Variants in SLC25A40 observed in about 807,000 individuals in gnomAD.
SLC25A40 encodes the protein mitochondrial glutathione transporter SLC25A40.
A neutral mutation model predicts 46.5 loss-of-function variants in SLC25A40; 41 were observed. That is an observed-to-expected ratio of 0.88 (90% confidence interval 0.69 to 1.14). The LOEUF is 1.14. Ranked by LOEUF, SLC25A40 falls within the 50% of genes most tolerant of loss-of-function variation. The pLI is 0.00. For synonymous variants in SLC25A40, 126 were observed against 127.5 expected (o/e 0.99, Z 0.08); for missense variants, 386 against 393.6 (o/e 0.98, Z 0.16).
chr7:87,853,163 T>C (rs1403949456), intron 5 of SLC25A40, among the ~76,000 whole-genome samples: 2 of 152,126 alleles, frequency 1.3e-5, no homozygotes, highest in African/African-American at 2.4e-5. Flanking sequence ...ACAATTTAAT[T>C]AGAAAATGGG....
At position 87,847,274 on chromosome 7, in the gene SLC25A40, C is replaced by T. The variant is rs563485775; in HGVS notation, c.458-152G>A. The T allele has an allele frequency of 3.2e-5, 17 of 537,110 alleles. No individual in the cohort carries two copies. The East Asian group carries it at 5.4e-4, about 17-fold the overall frequency. The allele number at this position is 537,110 out of a possible 1,614,324, so 33.3% of individuals were successfully genotyped here. Reference sequence around the variant, plus strand: ...CTTAAAATTAAATGTGTCATGATGTCAACATAATTGCCACAGATTTTTCCC... The same window carrying T: ...CTTAAAATTAAATGTGTCATGATGTTAACATAATTGCCACAGATTTTTCCC... On this transcript the variant is annotated intron_variant, in intron 7 of 11. Transcript: ENST00000341119.
intron 3 of SLC25A40, among the ~76,000 whole-genome samples, chr7:87,857,457 C>T (rs899650806): frequency 6.6e-6 from 1 of 152,102 alleles, no homozygotes; most frequent in African/African-American, 2.4e-5. Flanking sequence ...GAATCTCTGT[C>T]CAGGGTTGTT....
chr7:87,841,660 G>T lies in SLC25A40; in HGVS notation c.796C>A (p.Gln266Lys), dbSNP rs1315432086. 4 of 1,528,296 alleles carry T rather than the reference G, an allele frequency of 2.6e-6. No individual in the cohort carries two copies. Among genetic ancestry groups the T allele is most frequent in the Non-Finnish European group, 2.6e-6 (3 of 1,136,730 alleles). The allele number at this position is 1,528,296 out of a possible 1,614,324, so 94.7% of individuals were successfully genotyped here. A position where few individuals can be genotyped will look rare whatever the true frequency, so the allele number is the denominator to read the frequency against. Residue 266 changes from glutamine (Q) to lysine (K), a missense_variant, in exon 10 of 12, where the codon CAA becomes AAA. Transcript: ENST00000341119. ...TTATGACTTTCATATGTCCAAAGTT[G>T]TGTCTGCTTTTGTGTTTTTACTACA... is the stretch of plus-strand genomic sequence containing the variant. ...FDVVKTQKQT[Q>K]LWTYESHKIS...
Position 87,836,202 on chromosome 7 carries a change from T to A in SLC25A40, c.*47A>T. 1 of 1,140,762 alleles carries A rather than the reference T, an allele frequency of 8.8e-7. No homozygotes were observed. The highest frequency in any genetic ancestry group is 1.3e-6 in the Non-Finnish European group (1 of 782,268). 70.7% of individuals were successfully genotyped at this position (1,140,762 alleles called of 1,614,324 possible). On this transcript the variant is annotated 3_prime_UTR_variant, in exon 12 of 12. Coordinates refer to ENST00000341119, the MANE Select transcript of SLC25A40 (RefSeq NM_018843.4). ...TGAAAAACATTCTTGCCTAAGAGTC[T>A]CCATCTTCTTTGGCTATAGTTGTTG...
At chr7:87,872,276 G>T (rs1199068358) in intron 1 of SLC25A40, among the ~76,000 whole-genome samples, 1 of 152,128 alleles carries the variant, frequency 6.6e-6, no homozygotes, top group Admixed American at 6.5e-5. Flanking sequence ...CATTTACAAT[G>T]AAATTTATAG....
At chr7:87,869,443 C>T (rs1838860028) in intron 1 of SLC25A40, among the ~76,000 whole-genome samples, 1 of 151,666 alleles carries the variant, frequency 6.6e-6, no homozygotes. Context: ...ATGGGAGGAT[C>T]ACTTGAGCCT....
chr7:87,854,809 C>CAAAAAA (rs1193322764), intron 4 of SLC25A40, among the ~76,000 whole-genome samples: 3 of 53,558 alleles, frequency 5.6e-5, no homozygotes, highest in Non-Finnish European at 7.4e-5. Context: ...AAGACTGTCT[C>CAAAAAA]AAAAAAAAAA....
At chr7:87,855,677 A>G (rs1838601643) in intron 4 of SLC25A40, among the ~76,000 whole-genome samples, 1 of 152,168 alleles carries the variant, frequency 6.6e-6, no homozygotes, top group African/African-American at 2.4e-5. Flanking sequence ...AGGGCTGTTC[A>G]TTCCATCTCA....
chr7:87,856,547 G>A (rs1584331672), intron 3 of SLC25A40, among the ~76,000 whole-genome samples, 196 bp from the exon 4 acceptor site: 2 of 152,184 alleles, frequency 1.3e-5, no homozygotes. Flanking sequence ...GTGAAAGACA[G>A]ACGAATTACT....
At chr7:87,866,561 GAC>G (rs1491518598) in intron 1 of SLC25A40, among the ~76,000 whole-genome samples, 2 of 152,226 alleles carry the variant, frequency 1.3e-5, no homozygotes, top group Non-Finnish European at 2.9e-5. Flanking sequence ...CCCTGCATGA[GAC>G]ATTCATGGGA....
chr7:87,847,893 A>G lies in SLC25A40; in HGVS notation c.417T>C (p.Asn139=). The change falls in exon 7 of 12, where the codon AAT becomes AAC. Residue 139 remains asparagine, a synonymous_variant. Coordinates refer to ENST00000341119, the MANE Select transcript of SLC25A40 (RefSeq NM_018843.4). ...SALLRSKLGE[N]ETCIPIVAGI... is the part of the protein sequence containing the mutation. The stretch of plus-strand genomic sequence containing the variant: ...CAGCAACAATTGGTATGCAGGTTTC[A>G]TTTTCTCCTAACTTAGATCTCAGAA... The G allele has an allele frequency of 6.2e-7, 1 of 1,612,026 alleles. No homozygotes were observed. The highest frequency in any genetic ancestry group is 8.5e-7 in the Non-Finnish European group (1 of 1,179,274).
intron 5 of SLC25A40, among the ~76,000 whole-genome samples, 197 bp downstream of exon 5, chr7:87,854,007 G>GT (rs1838561086): frequency 6.6e-6 from 1 of 152,002 alleles, no homozygotes; most frequent in Non-Finnish European, 1.5e-5. Flanking sequence ...AAAATGTTTA[G>GT]TTTTTTAAAA....
intron 9 of SLC25A40, chr7:87,842,146 A>G: frequency 4.8e-6 from 1 of 208,602 alleles, no homozygotes; most frequent in Non-Finnish European, 1.0e-5. Context: ...TAGAATAAAA[A>G]ATTAAATTTG....
intron 6 of SLC25A40, among the ~76,000 whole-genome samples, chr7:87,848,240 T>C (rs1266006325): frequency 2.6e-5 from 4 of 152,130 alleles, no homozygotes; most frequent in Admixed American, 2.6e-4. Flanking sequence ...TTACAATAAA[T>C]AGCATTAAGT....
chr7:87,864,547 G>C (rs1296867028), intron 1 of SLC25A40, among the ~76,000 whole-genome samples: 1 of 152,116 alleles, frequency 6.6e-6, no homozygotes, highest in Non-Finnish European at 1.5e-5. Flanking sequence ...TTGCTAAATT[G>C]ACCCCTTTAT....
chr7:87,854,448 T>A, intron 4 of SLC25A40, 138 bp from the exon 5 acceptor site: 1 of 595,870 alleles, frequency 1.7e-6, no homozygotes. Context: ...TAAATAAACA[T>A]CTCTACTTTT....
intron 1 of SLC25A40, among the ~76,000 whole-genome samples, chr7:87,868,268 G>T (rs567583968): frequency 6.6e-6 from 1 of 152,312 alleles, no homozygotes; most frequent in East Asian, 1.9e-4. Context: ...CGGAGGAAAA[G>T]TATCTGTGAT....
At chr7:87,851,406 A>C (rs1838508043) in intron 5 of SLC25A40, among the ~76,000 whole-genome samples, 1 of 152,188 alleles carries the variant, frequency 6.6e-6, no homozygotes, top group Admixed American at 6.5e-5. Flanking sequence ...CTAGCCAAAC[A>C]CCAAAGTGAA....
chr7:87,875,077 A>T (rs1381982881), intron 1 of SLC25A40, among the ~76,000 whole-genome samples: 2 of 152,216 alleles, frequency 1.3e-5, no homozygotes, highest in Non-Finnish European at 2.9e-5. Flanking sequence ...GTTTGTTCAA[A>T]CTACACTTCC....
Sources: gnomAD v4.1 joint callset for allele counts (sites outside exome capture counted in the v4.1 genomes callset) on GRCh38, gnomAD v4.1.1 for gene constraint, MANE v1.5 for transcripts, NCBI Gene and HGNC (gene_info 2026-07-23, HGNC 2026-07-21) for gene names.